PDC: variants seen among roughly 807,000 people sequenced by gnomAD.
PDC encodes 33 kDa phototransducing protein.
In PDC, 19 loss-of-function variants were observed where a neutral mutation model predicts 22.2. The ratio of observed to expected loss-of-function variants is 0.86; its 90% CI spans 0.60 to 1.26. The LOEUF is 1.26. PDC is among the 50% of genes most tolerant of loss of function. The pLI is 0.00. For synonymous variants in PDC, 97 were observed against 96.2 expected (o/e 1.01, Z -0.05); for missense variants, 274 against 286.8 (o/e 0.96, Z 0.32).
intron 3 of PDC, among the ~76,000 whole-genome samples, chr1:186,445,821 A>G (rs565741893): frequency 6.6e-6 from 1 of 152,166 alleles, no homozygotes; most frequent in South Asian, 2.1e-4. Context: ...AATAATAATA[A>G]TATTGTCCCA....
intron 2 of PDC, among the ~76,000 whole-genome samples, chr1:186,447,011 T>C: frequency 6.6e-6 from 1 of 152,018 alleles, no homozygotes; most frequent in East Asian, 1.9e-4. Flanking sequence ...AAAATAACAA[T>C]AGTATATAAA....
In PDC at chr1:186,455,736, C is replaced by T. The variant is rs551319108; in HGVS notation, c.-25+5323G>A. On this transcript the variant is annotated intron_variant, in intron 1 of 3. Coordinates refer to ENST00000391997, the MANE Select transcript of PDC (RefSeq NM_002597.5). ...CAGCCCTTTGGGAGGCCGAGGCGGG[C>T]GGATCACGAGGTCAGGAGATCGAGA... is the stretch of plus-strand genomic sequence containing the variant. 3.0e-4 allele frequency among the ~76,000 whole-genome samples: 42 copies of T among 139,984 alleles called. 1 individual carries two copies. Among genetic ancestry groups the T allele is most frequent in the African/African-American group, 9.8e-4 (36 of 36,768 alleles). 91.8% of individuals were successfully genotyped at this position (139,984 alleles called of 152,430 possible).
chr1:186,455,994 A>AAAAAAAATAT (rs1553242743), intron 1 of PDC, among the ~76,000 whole-genome samples: 3 of 77,104 alleles, frequency 3.9e-5, no homozygotes, highest in Non-Finnish European at 4.1e-5. Context: ...AAAAAAAAAA[A>AAAAAAAATAT]ATATATATAT....
chr1:186,444,169 T>C lies in PDC; in HGVS notation c.551A>G (p.Asp184Gly). 6.2e-7 allele frequency: 1 copy of C among 1,613,890 alleles called. No homozygotes were observed. Among genetic ancestry groups the C allele is most frequent in the East Asian group, 2.2e-5 (1 of 44,870 alleles). ...NTGAGDRFSLDVLPTLLIYKG... is the reference protein window; with the variant it reads ...NTGAGDRFSLGVLPTLLIYKG... ...ATAGATGAGCAGTGTAGGAAGTACA[T>C]CTAAGGAAAAGCGGTCCCCAGCACC... The change falls in exon 4 of 4, where the codon GAT becomes GGT. Residue 184 changes from aspartate (D) to glycine (G), a missense_variant. Physicochemically the swap from Asp to Gly is moderately conservative, Grantham distance 94. Transcript: ENST00000391997.
In PDC at chr1:186,447,004, A is replaced by C. The variant is rs535495793; in HGVS notation, c.62-427T>G. ...AAACTGGGAATGTTGGGGAAACAAA[A>C]TAACAATAGTATATAAAAAACAACT... On this transcript the variant is annotated intron_variant, in intron 2 of 3. Transcript: ENST00000391997. Among the ~76,000 whole-genome samples the C allele has an allele frequency of 2.0e-5, 3 of 152,318 alleles. No homozygotes were observed. The East Asian group carries it at 5.8e-4, about 29-fold the overall frequency.
At chr1:186,459,169 GA>G (rs530037027) in intron 1 of PDC, among the ~76,000 whole-genome samples, 1 of 151,802 alleles carries the variant, frequency 6.6e-6, no homozygotes, top group Non-Finnish European at 1.5e-5. Flanking sequence ...CTCAAAAAAA[GA>G]AAAAAAGAAA....
chr1:186,444,130 A>G lies in PDC; in HGVS notation c.590T>C (p.Leu197Pro). The stretch of plus-strand genomic sequence containing the variant: ...AGCAACACTAATAAAATTGCTTATG[A>G]GTTCCCCACCTTTATAGATGAGCAG... ...PTLLIYKGGE[L>P]ISNFISVAEQ... Residue 197 changes from leucine to proline, a missense_variant, in exon 4 of 4, where the codon CTC (leucine) becomes CCC (proline). By Grantham distance (98) the Leu-to-Pro change is moderately conservative. Coordinates refer to ENST00000391997, the MANE Select transcript of PDC (RefSeq NM_002597.5). 6.2e-7 allele frequency: 1 copy of G among 1,614,078 alleles called. No individual in the cohort carries two copies. The highest frequency in any genetic ancestry group is 8.5e-7 in the Non-Finnish European group (1 of 1,179,948).
intron 1 of PDC, among the ~76,000 whole-genome samples, chr1:186,453,918 C>A (rs2102135370): frequency 6.6e-6 from 1 of 152,172 alleles, no homozygotes; most frequent in East Asian, 1.9e-4. Flanking sequence ...TCCAAAATTT[C>A]TATTTTTTCC....
intron 1 of PDC, among the ~76,000 whole-genome samples, chr1:186,453,112 A>T (rs960219828): frequency 2.0e-5 from 3 of 152,136 alleles, no homozygotes; most frequent in Non-Finnish European, 4.4e-5. Flanking sequence ...TTAGGGTTTT[A>T]TTTTCCTCTT....
intron 1 of PDC, among the ~76,000 whole-genome samples, chr1:186,453,697 C>A (rs182505676): frequency 6.6e-6 from 1 of 152,230 alleles, no homozygotes; most frequent in East Asian, 1.9e-4. Context: ...CTCTTATAAT[C>A]GTTTCATACA....
At chr1:186,457,111 T>C (rs891319472) in intron 1 of PDC, among the ~76,000 whole-genome samples, 1 of 152,172 alleles carries the variant, frequency 6.6e-6, no homozygotes, top group African/African-American at 2.4e-5. Context: ...TTTTCTAAGG[T>C]GACTGTGAGC....
rs1288804010 is a variant in PDC, at chr1:186,444,060, G to A, written c.660C>T (p.Phe220=). ...EEFFAGDVES[F]LNEYGLLPER... ...CAGGTAGTAACCCATATTCATTTAG[G>A]AAAGACTCCACATCCCCAGCAAAAA... is the stretch of plus-strand genomic sequence containing the variant. Residue 220 remains phenylalanine, a synonymous_variant, in exon 4 of 4, where the codon TTC becomes TTT. Coordinates refer to ENST00000391997, the MANE Select transcript of PDC (RefSeq NM_002597.5). The A allele has an allele frequency of 6.2e-7, 1 of 1,613,062 alleles. No individual in the cohort carries two copies. Among genetic ancestry groups the A allele is most frequent in the Non-Finnish European group, 8.5e-7 (1 of 1,179,104 alleles).
At position 186,449,198 on chromosome 1, in the gene PDC, C is replaced by T. The variant is rs146753164; in HGVS notation, c.61+201G>A. 3.3e-4 allele frequency among the ~76,000 whole-genome samples: 50 copies of T among 152,048 alleles called. No homozygotes were observed. In the East Asian group the frequency reaches 9.5e-3, roughly 29 times the overall value. ...AGTAATTGGTGTTTTTGTTTTTTTA[C>T]TCTTTGACATCTAAATAAAACTGTT... On this transcript the variant is annotated intron_variant, in intron 2 of 3. Transcript: ENST00000391997.
intron 1 of PDC, among the ~76,000 whole-genome samples, chr1:186,452,110 T>C (rs886320569): frequency 3.9e-5 from 6 of 152,228 alleles, no homozygotes; most frequent in African/African-American, 1.4e-4. Context: ...AAGTAGAATA[T>C]TATGAGCCAT....
chr1:186,457,660 G>C (rs1662496132), intron 1 of PDC, among the ~76,000 whole-genome samples: 1 of 152,060 alleles, frequency 6.6e-6, no homozygotes, highest in South Asian at 2.1e-4. Flanking sequence ...TTTTGGGATA[G>C]GTCAATTTTT....
At position 186,446,439 on chromosome 1, in the gene PDC, C is replaced by T. The variant is rs140224239; in HGVS notation, c.200G>A (p.Arg67Gln). 1.9e-4 allele frequency: 309 copies of T among 1,601,088 alleles called. No homozygotes were observed. The African/African-American group carries it at 3.1e-3, about 16-fold the overall frequency. Residue 67 changes from arginine (R) to glutamine (Q), a missense_variant, in exon 3 of 4, where the codon CGA (arginine) becomes CAA (glutamine). By Grantham distance (43) the Arg-to-Gln change is conservative (BLOSUM62 1). Transcript: ENST00000391997. ...GTATTATCTTACCTTTCTGCTGACT[C>T]GTTCCTTTGAATCTTTGCCATTCCT... ...QSRNGKDSKE[R>Q]VSRKMSIQEY...
Position 186,449,428 on chromosome 1 carries a change from T to C in PDC, c.32A>G (p.Glu11Gly), listed in dbSNP as rs751186174. 4 of 1,607,942 alleles carry C rather than the reference T, an allele frequency of 2.5e-6. No individual in the cohort carries two copies. Among genetic ancestry groups the C allele is most frequent in the Non-Finnish European group, 3.4e-6 (4 of 1,175,590 alleles). MEEAKSQSLE[E>G]DFEGQATHTG... The stretch of plus-strand genomic sequence containing the variant: ...ATGTGTGGCCTGTCCTTCAAAGTCT[T>C]CCTCCAAACTTTGGCTTTTGGCTTC... Residue 11 changes from glutamate (E) to glycine (G), a missense_variant, in exon 2 of 4, where the codon GAA becomes GGA. Physicochemically the swap from Glu to Gly is moderately conservative, Grantham distance 98 (BLOSUM62 -2). Coordinates refer to ENST00000391997, the MANE Select transcript of PDC (RefSeq NM_002597.5).
In PDC at chr1:186,449,458, ATT is replaced by A; in HGVS notation, c.-1_1del. The A allele has an allele frequency of 6.3e-7, 1 of 1,594,068 alleles. No homozygotes were observed. The highest frequency in any genetic ancestry group is 8.6e-7 in the Non-Finnish European group (1 of 1,163,876). ...CAAACTTTGGCTTTTGGCTTCTTCC[ATT>A]TTAGGGACTGGATTTGATATAATCT... On this transcript the variant is annotated start_lost and start_retained_variant and 5_prime_UTR_variant, in exon 2 of 4. Coordinates refer to ENST00000391997, the MANE Select transcript of PDC (RefSeq NM_002597.5).
chr1:186,446,082 T>C (rs1268210384), intron 3 of PDC, among the ~76,000 whole-genome samples: 1 of 152,226 alleles, frequency 6.6e-6, no homozygotes, highest in Admixed American at 6.5e-5. Flanking sequence ...GTATTTTACA[T>C]GTTTCAAAAT....
Sources: gnomAD v4.1 joint callset for allele counts (sites outside exome capture counted in the v4.1 genomes callset) on GRCh38, gnomAD v4.1.1 for gene constraint, MANE v1.5 for transcripts, NCBI Gene and HGNC (gene_info 2026-07-23, HGNC 2026-07-21) for gene names.